Variants in NLRP2 observed in about 807,000 individuals in gnomAD.
NLRP2 encodes NLR family pyrin domain containing 2, also known as NACHT, LRR and PYD domains-containing protein 2.
A neutral mutation model predicts 97.2 loss-of-function variants in NLRP2; 107 were observed. The observed-to-expected ratio is 1.10, with a 90% CI of 0.94 to 1.29. The LOEUF (loss-of-function observed/expected upper bound fraction) is 1.29. Ranked by LOEUF, NLRP2 falls within the 50% of genes most tolerant of loss-of-function variation. The probability of loss-of-function intolerance (pLI) is 0.00; values close to 1 mark genes in which losing one functional copy is unlikely to be tolerated. For synonymous variants in NLRP2, 663 were observed against 551.5 expected (o/e 1.20, Z -2.83); for missense variants, 1,495 against 1,330.3 (o/e 1.12, Z -1.93).
chr19:54,998,539 G>A (rs1602452105), intron 12 of NLRP2, among the ~76,000 whole-genome samples: 2 of 61,062 alleles, frequency 3.3e-5, no homozygotes, highest in African/African-American at 1.0e-4. Flanking sequence ...TAAGCTTTAA[G>A]TTTGTTTGTT....
At chr19:54,981,509 G>GGCCCCCCCCCCCCCCCCCCCC in intron 4 of NLRP2, 108 bp from the exon 5 acceptor site, 2 of 386,504 alleles carry the variant, frequency 5.2e-6, no homozygotes, top group Non-Finnish European at 1.1e-5. Flanking sequence ...CTGATCCCGT[G>GGCCCCCCCCCCCCCCCCCCCC]CCCCCCCTCC....
chr19:54,985,218 G>T lies in NLRP2; in HGVS notation c.2201+1G>T, dbSNP rs1245926227. 6.2e-7 allele frequency: 1 copy of T among 1,613,500 alleles called. No homozygotes were observed. The highest frequency in any genetic ancestry group is 8.5e-7 in the Non-Finnish European group (1 of 1,179,708). On this transcript the variant is annotated splice_donor_variant, in intron 7 of 12. Transcript: ENST00000448584. LOFTEE classifies it high-confidence loss of function. ...ACACCTGTCATCTCCAGAGAGTGGT[G>T]TAAGTAGAAACTAATTCATGAACTC...
At chr19:54,989,563 C>G in intron 8 of NLRP2, 1 of 244,466 alleles carries the variant, frequency 4.1e-6, no homozygotes. Context: ...CCAGCTGATT[C>G]CTGGGCGATG....
chr19:54,974,118 G>A (rs1342285577), intron 2 of NLRP2: 1 of 705,058 alleles, frequency 1.4e-6, no homozygotes, highest in African/African-American at 1.8e-5. Flanking sequence ...CACTTTGGGA[G>A]GCCGAGGTGG....
intron 12 of NLRP2, among the ~76,000 whole-genome samples, chr19:54,998,720 A>G (rs1316647426): frequency 3.6e-5 from 5 of 137,076 alleles, no homozygotes; most frequent in Non-Finnish European, 6.2e-5. Flanking sequence ...AGTGGAGGGA[A>G]GGTCAGCAGA....
At chr19:54,973,344 G>GTTTTTTTTTTTTTTT (rs10673643) in intron 2 of NLRP2, among the ~76,000 whole-genome samples, 1 of 92,554 alleles carries the variant, frequency 1.1e-5, no homozygotes, top group African/African-American at 4.5e-5. Flanking sequence ...ATGGGTGAGG[G>GTTTTTTTTTTTTTTT]TTTTTTTTTT....
rs1284251283 is a variant in NLRP2 at position 55,000,797 on chromosome 19, C to T, written c.3088C>T (p.Leu1030=). The T allele has an allele frequency of 6.2e-7, 1 of 1,613,638 alleles. No homozygotes were observed. The highest frequency in any genetic ancestry group is 2.2e-5 in the East Asian group (1 of 44,868). ...IDDFNDELNK[L]LEEIEEKNPQ... ...TGACTTTAATGATGAACTCAATAAG[C>T]TGCTGGAAGAAATAGAAGAAAAAAA... Residue 1030 remains leucine, a synonymous_variant, in exon 13 of 13, where the codon CTG becomes TTG. Coordinates refer to ENST00000448584, the MANE Select transcript of NLRP2 (RefSeq NM_017852.5).
intron 12 of NLRP2, among the ~76,000 whole-genome samples, chr19:54,999,350 T>C: frequency 6.6e-6 from 1 of 152,180 alleles, no homozygotes; most frequent in Admixed American, 6.5e-5. Context: ...TTTCTCCATA[T>C]TGGTCAGGCT....
intron 2 of NLRP2, among the ~76,000 whole-genome samples, chr19:54,972,724 C>G (rs962691829): frequency 2.6e-5 from 4 of 151,940 alleles, no homozygotes; most frequent in African/African-American, 9.7e-5. Context: ...TTCCCACAGT[C>G]CTGGGATCAG....
chr19:55,000,428 C>T (rs1409881123), intron 12 of NLRP2, among the ~76,000 whole-genome samples: 2 of 150,762 alleles, frequency 1.3e-5, no homozygotes, highest in Non-Finnish European at 3.0e-5. Flanking sequence ...AGGCGTCCGC[C>T]ACCACGCCCG....
At chr19:54,992,006 G>C (rs1190315144) in intron 10 of NLRP2, among the ~76,000 whole-genome samples, 1 of 148,642 alleles carries the variant, frequency 6.7e-6, no homozygotes. Flanking sequence ...GCAACCTCCG[G>C]CTTCAAGGAG....
chr19:54,980,774 G>C (rs181102104), intron 4 of NLRP2, among the ~76,000 whole-genome samples: 1 of 152,188 alleles, frequency 6.6e-6, no homozygotes, highest in Admixed American at 6.5e-5. Flanking sequence ...GTGTGATCTG[G>C]CCAGGAAGGC....
At chr19:54,991,962 G>A (rs1047647516) in intron 10 of NLRP2, among the ~76,000 whole-genome samples, 6 of 127,102 alleles carry the variant, frequency 4.7e-5, no homozygotes, top group Non-Finnish European at 8.1e-5. Flanking sequence ...TTTTACTCTT[G>A]CCCACGCTGG....
chr19:54,981,530 A>G, intron 4 of NLRP2, 87 bp from the exon 5 acceptor site: 2 of 148,064 alleles, frequency 1.4e-5, no homozygotes, highest in Middle Eastern at 9.7e-4. Flanking sequence ...CCCCCGCCCC[A>G]TCAGCCTGCC....
intron 9 of NLRP2, 27 bp downstream of exon 9, chr19:54,990,219 G>C: frequency 6.2e-7 from 1 of 1,612,376 alleles, no homozygotes; most frequent in African/African-American, 1.3e-5. Flanking sequence ...TTACAGAGCA[G>C]CTGTGCTTTC....
Position 54,974,409 on chromosome 19 carries a change from C to G in NLRP2, c.281-91C>G, listed in dbSNP as rs930431051. 5.5e-6 allele frequency: 5 copies of G among 908,606 alleles called. No homozygotes were observed. The African/African-American group carries it at 8.2e-5, about 15-fold the overall frequency. 56.3% of individuals were successfully genotyped at this position (908,606 alleles called of 1,614,324 possible). On this transcript the variant is annotated intron_variant, in intron 2 of 12. Coordinates refer to ENST00000448584, the MANE Select transcript of NLRP2 (RefSeq NM_017852.5). Reference sequence around the variant, plus strand: ...AGATAAGAGAAAGGAACAAGTGATCCAGTTCTAAGTGTCATCTTTTCTTTT... The same window carrying G: ...AGATAAGAGAAAGGAACAAGTGATCGAGTTCTAAGTGTCATCTTTTCTTTT...
chr19:54,991,508 G>C (rs1481688581), intron 10 of NLRP2: 1 of 151,458 alleles, frequency 6.6e-6, no homozygotes. Context: ...AGCTGAGATG[G>C]CACCACTGAA....
upstream of NLRP2, among the ~76,000 whole-genome samples, chr19:54,965,580 C>G (rs867869356): frequency 1.0e-4 from 7 of 67,340 alleles, no homozygotes; most frequent in Admixed American, 5.7e-4. Flanking sequence ...CTCAGCCTCC[C>G]GAGTAGCTGG....
At chr19:54,984,329 G>GTGTGTTTTTTTTTTTTTTGT in intron 6 of NLRP2, among the ~76,000 whole-genome samples, 1 of 79,670 alleles carries the variant, frequency 1.3e-5, no homozygotes, top group Non-Finnish European at 2.5e-5. Flanking sequence ...TTTTTTTTGT[G>GTGTGTTTTTTTTTTTTTTGT]TTTTTTTTTT....
Sources: gnomAD v4.1 joint callset for allele counts (sites outside exome capture counted in the v4.1 genomes callset) on GRCh38, gnomAD v4.1.1 for gene constraint, MANE v1.5 for transcripts, NCBI Gene and HGNC (gene_info 2026-07-23, HGNC 2026-07-21) for gene names.